RAP1GAP: variants seen among roughly 807,000 people sequenced by gnomAD.
RAP1GAP encodes RAP1 GTPase activating protein.
In RAP1GAP, 35 loss-of-function variants were observed where a neutral mutation model predicts 87.2. The observed-to-expected ratio is 0.40, with a 90% confidence interval of 0.31 to 0.53. The LOEUF (loss-of-function observed/expected upper bound fraction) is 0.53. Among genes scored for constraint, RAP1GAP ranks in the 20% least tolerant of loss-of-function variants. The pLI, the probability that RAP1GAP is intolerant of heterozygous loss-of-function variation, is 0.48. For missense variants in RAP1GAP, 734 were observed against 898.9 expected, an observed-to-expected ratio of 0.82 and a Z score of 2.35; for synonymous variants, 375 against 363.9, an observed-to-expected ratio of 1.03 and a Z score of -0.35.
chr1:21,646,299 C>A (rs972204443), intron 2 of RAP1GAP, among the ~76,000 whole-genome samples: 3 of 152,224 alleles, frequency 2.0e-5, no homozygotes, highest in Non-Finnish European at 4.4e-5. Context: ...GCATTCAGGG[C>A]TACATCACTC....
chr1:21,606,025 C>T, intron 18 of RAP1GAP, 41 bp downstream of exon 18: 1 of 1,546,102 alleles, frequency 6.5e-7, no homozygotes, highest in South Asian at 1.2e-5. Flanking sequence ...TGAGGGCCCC[C>T]CAGGGAGGGG....
At chr1:21,614,622 C>T (rs1280633658) in intron 7 of RAP1GAP, among the ~76,000 whole-genome samples, 1 of 152,176 alleles carries the variant, frequency 6.6e-6, no homozygotes, top group Non-Finnish European at 1.5e-5. Flanking sequence ...GCTGGCCAGG[C>T]AGGTTTCCAC....
intron 2 of RAP1GAP, among the ~76,000 whole-genome samples, chr1:21,648,551 A>C (rs1479754461): frequency 2.7e-5 from 1 of 37,500 alleles, no homozygotes; most frequent in Non-Finnish European, 7.1e-5. Context: ...CCAGAGTTAC[A>C]TGAGATAACA....
chr1:21,603,186 G>A lies in RAP1GAP; in HGVS notation c.1429-273C>T, dbSNP rs1009341298. The A allele has an allele frequency of 2.2e-6, 1 of 457,422 alleles. No individual in the cohort carries two copies. The highest frequency in any genetic ancestry group is 3.9e-6 in the Non-Finnish European group (1 of 255,280). The allele number at this position is 457,422 out of a possible 1,614,324, so 28.3% of individuals were successfully genotyped here. On this transcript the variant is annotated intron_variant, in intron 18 of 24. Transcript: ENST00000374765. This position sits in a 1 kb window ranked among gnomAD's most constrained non-coding sequence, Gnocchi z 6.0. ...ACAGCATCCTGAGGGGGCTAGGGTGGGAGGAGGCCGAGTCCTCAGAATGGC... is the reference window on the plus strand; with the variant it reads ...ACAGCATCCTGAGGGGGCTAGGGTGAGAGGAGGCCGAGTCCTCAGAATGGC...
chr1:21,662,184 A>G (rs558194668), intron 1 of RAP1GAP, among the ~76,000 whole-genome samples: 14 of 152,174 alleles, frequency 9.2e-5, no homozygotes. Context: ...GTGTGCCCCT[A>G]GGTCCATCTC....
Position 21,609,577 on chromosome 1 carries a change from T to A in RAP1GAP, c.1069A>T (p.Lys357Ter). ...PPLPDPAVFR[K>*]GPEFQEFLLT... ...ATGACTGGGGGGGTGCCCCTCACCTTCCTGAACACAGCGGGGTCCGGGAGG... is the reference window on the plus strand; with the variant it reads ...ATGACTGGGGGGGTGCCCCTCACCTACCTGAACACAGCGGGGTCCGGGAGG... Residue 357 changes from lysine to a stop codon, truncating the protein, a stop_gained and splice_region_variant, in exon 15 of 25, where the codon AAG becomes TAG. Transcript: ENST00000374765. LOFTEE classifies it high-confidence loss of function. The surrounding 1 kb of genome is among the most constrained non-coding windows in gnomAD (Gnocchi z 4.4). The A allele has an allele frequency of 6.4e-7, 1 of 1,553,582 alleles. No homozygotes were observed. Among genetic ancestry groups the A allele is most frequent in the South Asian group, 1.3e-5 (1 of 79,188 alleles).
intron 2 of RAP1GAP, among the ~76,000 whole-genome samples, chr1:21,645,144 T>C (rs2095914572): frequency 1.3e-5 from 2 of 152,194 alleles, no homozygotes; most frequent in African/African-American, 4.8e-5. Flanking sequence ...CTACAGTACG[T>C]GTTCAGTGGT....
chr1:21,633,950 G>T (rs1301047546), intron 2 of RAP1GAP, among the ~76,000 whole-genome samples: 1 of 152,038 alleles, frequency 6.6e-6, no homozygotes, highest in Non-Finnish European at 1.5e-5. Flanking sequence ...TTTGGATGAG[G>T]GCTGGGGGGC....
chr1:21,632,341 A>G (rs556040092), intron 2 of RAP1GAP, among the ~76,000 whole-genome samples: 28 of 152,106 alleles, frequency 1.8e-4, no homozygotes, highest in Non-Finnish European at 3.4e-4. Flanking sequence ...AACAATAATA[A>G]TCGCACCATC....
chr1:21,632,414 C>A (rs191998909), intron 2 of RAP1GAP, among the ~76,000 whole-genome samples: 2 of 152,318 alleles, frequency 1.3e-5, no homozygotes, highest in East Asian at 3.9e-4. Context: ...GGGACTCTCA[C>A]CGGAACTGGA....
intron 2 of RAP1GAP, among the ~76,000 whole-genome samples, chr1:21,643,556 C>CAAAAAAAAA (rs58359978): frequency 1.5e-5 from 1 of 66,476 alleles, no homozygotes; most frequent in African/African-American, 5.7e-5. Context: ...GACTCCGTCT[C>CAAAAAAAAA]AAAAAAAAAA....
At chr1:21,663,998 T>C (rs936603549) in intron 1 of RAP1GAP, among the ~76,000 whole-genome samples, 3 of 152,198 alleles carry the variant, frequency 2.0e-5, no homozygotes, top group Non-Finnish European at 4.4e-5. Context: ...GGAGCTGTAC[T>C]GCAAAGACAG....
At chr1:21,611,619 G>C (rs1283204041) in intron 12 of RAP1GAP, 38 bp from the exon 13 acceptor site, 2 of 1,613,856 alleles carry the variant, frequency 1.2e-6, no homozygotes, top group South Asian at 2.2e-5. Context: ...TCAGTCTCCA[G>C]CCCTGGCCAG....
In RAP1GAP at chr1:21,626,396, T is replaced by G; in HGVS notation, c.-111A>C. On this transcript the variant is annotated splice_region_variant and 5_prime_UTR_variant, in exon 3 of 25. Coordinates refer to ENST00000374765, the MANE Select transcript of RAP1GAP (RefSeq NM_002885.4). ...AAGTGCTGGTTCTGCCCATCGCTCCTCCTGGAAGAGAAAGAGTCTGAGGTC... is the reference window on the plus strand; with the variant it reads ...AAGTGCTGGTTCTGCCCATCGCTCCGCCTGGAAGAGAAAGAGTCTGAGGTC... 6.2e-7 allele frequency: 1 copy of G among 1,610,828 alleles called. No individual in the cohort carries two copies. The highest frequency in any genetic ancestry group is 8.5e-7 in the Non-Finnish European group (1 of 1,177,260).
chr1:21,613,956 G>T lies in RAP1GAP; in HGVS notation c.395+30C>A. ...AGATTGTAAGACCTCAGCCCTTCCT[G>T]CCATCTCAGGACTCCCCCACCACCC... is the stretch of plus-strand genomic sequence containing the variant. On this transcript the variant is annotated intron_variant, in intron 8 of 24. Coordinates refer to ENST00000374765, the MANE Select transcript of RAP1GAP (RefSeq NM_002885.4). This position sits in a 1 kb window ranked among gnomAD's most constrained non-coding sequence, Gnocchi z 4.7. 1 of 1,501,190 alleles carries T rather than the reference G, an allele frequency of 6.7e-7. No homozygotes were observed. The highest frequency in any genetic ancestry group is 9.2e-7 in the Non-Finnish European group (1 of 1,086,924). 93.0% of individuals were successfully genotyped at this position (1,501,190 alleles called of 1,614,324 possible).
At chr1:21,651,903 G>GCCCCGCCCCCGC (rs930349683) in intron 1 of RAP1GAP, 46 of 980,102 alleles carry the variant, frequency 4.7e-5, no homozygotes, top group Admixed American at 4.2e-4. Flanking sequence ...CAACGCGGCC[G>GCCCCGCCCCCGC]CCCCGCCCCC....
chr1:21,618,960 G>A, intron 5 of RAP1GAP, 65 bp downstream of exon 5: 1 of 1,471,142 alleles, frequency 6.8e-7, no homozygotes. Flanking sequence ...ATGGGCAGTG[G>A]TGGCAGCACT....
chr1:21,626,456 TGGGAGAGTCACTCTCAGAGCTGG>T, intron 2 of RAP1GAP, 59 bp from the exon 3 acceptor site: 1 of 1,374,590 alleles, frequency 7.3e-7, no homozygotes, highest in Non-Finnish European at 1.0e-6. Context: ...TTGGGAACTC[TGGGAGAGTCACTCTCAGAGCTGG>T]GGGATGTGAG....
At chr1:21,651,654 C>A (rs761103799) in intron 1 of RAP1GAP, 2 of 999,092 alleles carry the variant, frequency 2.0e-6, no homozygotes, top group African/African-American at 1.6e-5. Context: ...AAACGCTCAG[C>A]CCCCACAGCA....
Sources: gnomAD v4.1 joint callset for allele counts (sites outside exome capture counted in the v4.1 genomes callset) on GRCh38, gnomAD v4.1.1 for gene constraint, Gnocchi (gnomAD v3.1) non-coding constraint, MANE v1.5 for transcripts, NCBI Gene and HGNC (gene_info 2026-07-23, HGNC 2026-07-21) for gene names.